Variants in PTPRE observed in about 807,000 individuals in gnomAD.
PTPRE encodes the protein receptor-type tyrosine-protein phosphatase epsilon.
Under a neutral mutation model 102.0 loss-of-function variants are expected in PTPRE, and 51 were observed. The observed-to-expected ratio is 0.50, with a 90% confidence interval of 0.40 to 0.63. PTPRE has a LOEUF of 0.63. PTPRE is among the 30% of genes least tolerant of loss of function. The pLI, the probability that PTPRE is intolerant of heterozygous loss-of-function variation, is 0.00. For synonymous variants in PTPRE, 345 were observed against 348.2 expected (o/e 0.99, Z 0.10); for missense variants, 752 against 915.1 (o/e 0.82, Z 2.30).
intron 5 of PTPRE, among the ~76,000 whole-genome samples, chr10:128,049,292 G>A (rs903633622): frequency 6.6e-6 from 1 of 152,150 alleles, no homozygotes; most frequent in African/African-American, 2.4e-5. Flanking sequence ...ATGGGGGAGA[G>A]CAGGTGACAC....
intron 3 of PTPRE, among the ~76,000 whole-genome samples, chr10:128,041,378 G>A (rs1419215718): frequency 7.2e-5 from 11 of 152,230 alleles, no homozygotes; most frequent in Middle Eastern, 3.4e-3. Context: ...GGCCGGGTGC[G>A]GTGGCTCATA....
chr10:127,990,058 T>G (rs1021397882), intron 2 of PTPRE, among the ~76,000 whole-genome samples: 5 of 152,154 alleles, frequency 3.3e-5, no homozygotes, highest in Non-Finnish European at 7.3e-5. Context: ...AATGTTTGAG[T>G]CCTTTCTCTA....
At chr10:127,914,233 G>A (rs1388711225) in intron 1 of PTPRE, among the ~76,000 whole-genome samples, 2 of 152,144 alleles carry the variant, frequency 1.3e-5, no homozygotes, top group African/African-American at 2.4e-5. Flanking sequence ...CCTGAAGCAG[G>A]TGCCAGCATT....
chr10:128,043,607 G>A (rs964038588), intron 3 of PTPRE, among the ~76,000 whole-genome samples: 2 of 152,226 alleles, frequency 1.3e-5, no homozygotes, highest in African/African-American at 2.4e-5. Flanking sequence ...CTTGGCAATT[G>A]TGTTAAAATG....
chr10:128,076,398 T>C (rs1851209369), intron 17 of PTPRE, among the ~76,000 whole-genome samples: 1 of 152,130 alleles, frequency 6.6e-6, no homozygotes, highest in South Asian at 2.1e-4. Context: ...TAAGGTTTCA[T>C]ATATATATGT....
intron 2 of PTPRE, among the ~76,000 whole-genome samples, chr10:128,039,790 TG>T (rs201814783): frequency 3.3e-4 from 38 of 114,588 alleles, no homozygotes; most frequent in East Asian, 8.0e-4. Context: ...GGGTGGGGAG[TG>T]GGGGGGCCAC....
chr10:127,970,834 C>T (rs1026993598), intron 1 of PTPRE, among the ~76,000 whole-genome samples: 2 of 151,754 alleles, frequency 1.3e-5, no homozygotes, highest in Non-Finnish European at 2.9e-5. Flanking sequence ...CTATTCGTAT[C>T]ATAGGAATCA....
At chr10:128,010,472 T>C (rs1844888017) in intron 2 of PTPRE, among the ~76,000 whole-genome samples, 1 of 152,330 alleles carries the variant, frequency 6.6e-6, no homozygotes, top group African/African-American at 2.4e-5. Flanking sequence ...CCCAGTGCTC[T>C]CTGCCTTTTT....
chr10:127,981,504 A>C (rs1851614583), intron 1 of PTPRE, among the ~76,000 whole-genome samples: 1 of 152,150 alleles, frequency 6.6e-6, no homozygotes, highest in Non-Finnish European at 1.5e-5. Flanking sequence ...TTTTTTAAAA[A>C]ATAAAATAAC....
At chr10:127,976,001 G>A (rs1398693177) in intron 1 of PTPRE, among the ~76,000 whole-genome samples, 2 of 152,136 alleles carry the variant, frequency 1.3e-5, no homozygotes, top group South Asian at 2.1e-4. Context: ...TGGGTGCTTG[G>A]CGGGGAGTCT....
At chr10:127,973,542 C>A (rs1222322430) in intron 1 of PTPRE, among the ~76,000 whole-genome samples, 2 of 152,024 alleles carry the variant, frequency 1.3e-5, no homozygotes, top group Non-Finnish European at 2.9e-5. Context: ...AATGTTTCAG[C>A]AAAGTGGCTA....
At chr10:128,076,553 A>T in intron 17 of PTPRE, 50 bp from the exon 18 acceptor site, 1 of 1,531,952 alleles carries the variant, frequency 6.5e-7, no homozygotes, top group South Asian at 1.2e-5. Context: ...CAAAATCGCC[A>T]GCAGCAAATT....
chr10:127,998,278 G>A (rs959869856), intron 2 of PTPRE: 1 of 152,150 alleles, frequency 6.6e-6, no homozygotes, highest in Admixed American at 6.5e-5. Flanking sequence ...CGTCATCATC[G>A]AAGTCACCAA....
chr10:128,011,621 G>T (rs973150122), intron 2 of PTPRE, among the ~76,000 whole-genome samples: 1 of 152,246 alleles, frequency 6.6e-6, no homozygotes, highest in Admixed American at 6.5e-5. Flanking sequence ...CAGGTGCTAA[G>T]TTGAGCCCAT....
chr10:128,037,159 G>T (rs1847287813), intron 2 of PTPRE, among the ~76,000 whole-genome samples: 1 of 152,190 alleles, frequency 6.6e-6, no homozygotes, highest in Non-Finnish European at 1.5e-5. Context: ...TGAGCCCTTA[G>T]GGCCAAGCCA....
At chr10:128,024,322 T>G (rs903181967) in intron 2 of PTPRE, among the ~76,000 whole-genome samples, 4 of 152,244 alleles carry the variant, frequency 2.6e-5, no homozygotes, top group African/African-American at 9.6e-5. Flanking sequence ...TAAGGTTCAC[T>G]TCTTTAAATG....
intron 1 of PTPRE, among the ~76,000 whole-genome samples, chr10:127,937,893 G>GAT (rs545016054): frequency 6.7e-6 from 1 of 150,198 alleles, no homozygotes; most frequent in Non-Finnish European, 1.5e-5. Flanking sequence ...ACTCGTAAGG[G>GAT]GTGTGTGTGT....
intron 2 of PTPRE, among the ~76,000 whole-genome samples, chr10:128,006,122 C>T (rs1854515363): frequency 6.6e-6 from 1 of 152,184 alleles, no homozygotes; most frequent in Admixed American, 6.5e-5. Context: ...TCCAGATGGT[C>T]ATGAATTTGG....
At chr10:128,066,440 G>T (rs537733569) in intron 11 of PTPRE, among the ~76,000 whole-genome samples, 1 of 152,318 alleles carries the variant, frequency 6.6e-6, no homozygotes, top group African/African-American at 2.4e-5. Context: ...GACTCCTCTG[G>T]GCCTCTCCAG....
Sources: gnomAD v4.1 joint callset for allele counts (sites outside exome capture counted in the v4.1 genomes callset) on GRCh38, gnomAD v4.1.1 for gene constraint, MANE v1.5 for transcripts, NCBI Gene and HGNC (gene_info 2026-07-23, HGNC 2026-07-21) for gene names.